The following PDGFD variants were observed in gnomAD, a reference collection of about 807,000 sequenced individuals.
PDGFD encodes the protein platelet-derived growth factor D.
PDGFD carries 30 observed loss-of-function variants against 44.7 expected under a neutral mutation model. The ratio of observed to expected loss-of-function variants is 0.67; its 90% CI spans 0.50 to 0.91. PDGFD has a LOEUF of 0.91. PDGFD is among the 40% of genes least tolerant of loss of function. PDGFD has a pLI of 0.00. For synonymous variants in PDGFD, 173 were observed against 168.4 expected (o/e 1.03, Z -0.21); for missense variants, 445 against 457.8 (o/e 0.97, Z 0.25).
At chr11:104,028,531 T>C (rs1216835836) in intron 1 of PDGFD, among the ~76,000 whole-genome samples, 1 of 151,498 alleles carries the variant, frequency 6.6e-6, no homozygotes, top group Non-Finnish European at 1.5e-5. Flanking sequence ...CAGAGCCCAA[T>C]TTTAATATCA....
chr11:103,932,895 T>C (rs1307179841), intron 5 of PDGFD, among the ~76,000 whole-genome samples: 1 of 152,170 alleles, frequency 6.6e-6, no homozygotes, highest in African/African-American at 2.4e-5. Flanking sequence ...AAGACTAGTC[T>C]AGGATGTGGT....
intron 1 of PDGFD, among the ~76,000 whole-genome samples, chr11:104,090,541 A>T (rs1353843617): frequency 6.6e-6 from 1 of 151,688 alleles, no homozygotes; most frequent in Non-Finnish European, 1.5e-5. Context: ...AGGCAGGAGA[A>T]TCACTTGTAC....
chr11:104,032,205 GAATAAATA>G (rs201214631), intron 1 of PDGFD, among the ~76,000 whole-genome samples: 1 of 151,684 alleles, frequency 6.6e-6, no homozygotes. Context: ...CAAAAATAAT[GAATAAATA>G]AATAAATAAA....
intron 1 of PDGFD, among the ~76,000 whole-genome samples, chr11:104,087,259 A>G (rs1345512578): frequency 1.4e-5 from 2 of 146,930 alleles, no homozygotes; most frequent in Non-Finnish European, 3.0e-5. Context: ...GCAGTGGTGC[A>G]ATCTCAGCTT....
At chr11:104,102,480 G>A (rs946213404) in intron 1 of PDGFD, among the ~76,000 whole-genome samples, 12 of 152,102 alleles carry the variant, frequency 7.9e-5, no homozygotes, top group Admixed American at 4.6e-4. Context: ...ACTGTTGGTG[G>A]GACTGTAAAC....
At chr11:103,947,299 TC>T (rs1359407427) in intron 4 of PDGFD, among the ~76,000 whole-genome samples, 1 of 152,228 alleles carries the variant, frequency 6.6e-6, no homozygotes, top group Non-Finnish European at 1.5e-5. Context: ...CCAGGAATAT[TC>T]GAAAGCTATT....
intron 1 of PDGFD, among the ~76,000 whole-genome samples, chr11:104,031,096 T>C (rs953002253): frequency 6.6e-6 from 1 of 152,130 alleles, no homozygotes; most frequent in African/African-American, 2.4e-5. Context: ...TATTTTATGA[T>C]GAAATCTCCA....
At chr11:104,163,673 C>T in intron 1 of PDGFD, 131 bp downstream of exon 1, 4 of 1,133,348 alleles carry the variant, frequency 3.5e-6, no homozygotes, top group Non-Finnish European at 4.8e-6. Context: ...AGGAGACCTC[C>T]CTCCCCAAAC....
intron 6 of PDGFD, among the ~76,000 whole-genome samples, chr11:103,916,771 G>A (rs910276914): frequency 2.0e-5 from 3 of 152,174 alleles, no homozygotes; most frequent in African/African-American, 7.2e-5. Flanking sequence ...AAAAGGATGA[G>A]TTCATGTCCT....
At chr11:103,909,892 C>G in intron 6 of PDGFD, 73 bp from the exon 7 acceptor site, 1 of 1,576,854 alleles carries the variant, frequency 6.3e-7, no homozygotes, top group Non-Finnish European at 8.7e-7. Flanking sequence ...CTACTTATTA[C>G]CTTTTTGACA....
At chr11:103,993,216 T>TG (rs1827618983) in intron 3 of PDGFD, among the ~76,000 whole-genome samples, 2 of 152,064 alleles carry the variant, frequency 1.3e-5, no homozygotes, top group Admixed American at 6.6e-5. Flanking sequence ...TACAGGCATG[T>TG]GCCATCATGC....
chr11:104,035,718 T>C lies in PDGFD; in HGVS notation c.125-35463A>G, dbSNP rs556366760. Among the ~76,000 whole-genome samples, 8 of 152,266 alleles carry C rather than the reference T, an allele frequency of 5.3e-5. No homozygotes were observed. In the South Asian group the frequency reaches 1.7e-3, roughly 32 times the overall value. ...TTCAAAGTCATGTACAATTTTTTTA[T>C]TGCACAAAATGTCTCATCTTTCTCT... On this transcript the variant is annotated intron_variant, in intron 1 of 6. Coordinates refer to ENST00000393158, the MANE Select transcript of PDGFD (RefSeq NM_025208.5).
rs1205550061 is a variant in PDGFD at position 104,164,036 on chromosome 11, T to A, written c.-109A>T. ...CTCGCCGCCTGCGCTCGCCCTGCGCTGGCCCGGGTCGCTGTGCTAATCGCC... is the reference window on the plus strand; with the variant it reads ...CTCGCCGCCTGCGCTCGCCCTGCGCAGGCCCGGGTCGCTGTGCTAATCGCC... On this transcript the variant is annotated 5_prime_UTR_variant, in exon 1 of 7. Transcript: ENST00000393158. 2.4e-6 allele frequency: 3 copies of A among 1,266,636 alleles called. No individual in the cohort carries two copies. The highest frequency in any genetic ancestry group is 5.2e-5 in the East Asian group (2 of 38,688). The allele number at this position is 1,266,636 out of a possible 1,614,324, so 78.5% of individuals were successfully genotyped here. A position where few individuals can be genotyped will look rare whatever the true frequency, so the allele number is the denominator to read the frequency against.
At chr11:103,934,796 T>C (rs557995954) in intron 5 of PDGFD, among the ~76,000 whole-genome samples, 1 of 152,194 alleles carries the variant, frequency 6.6e-6, no homozygotes, top group African/African-American at 2.4e-5. Context: ...TCCCTTGACA[T>C]GTGGGGATTA....
At chr11:104,124,113 T>A (rs1013607851) in intron 1 of PDGFD, among the ~76,000 whole-genome samples, 1 of 151,996 alleles carries the variant, frequency 6.6e-6, no homozygotes, top group South Asian at 2.1e-4. Flanking sequence ...ATCAATAACA[T>A]ACAGATGGTA....
In PDGFD at chr11:104,131,381, A is replaced by G. The variant is rs114017719; in HGVS notation, c.124+32423T>C. Among the ~76,000 whole-genome samples, 1,106 of 152,296 alleles carry G rather than the reference A, an allele frequency of 7.3e-3. 7 individuals are homozygous for G. Among genetic ancestry groups the G allele is most frequent in the African/African-American group, 0.024 (994 of 41,580 alleles). On this transcript the variant is annotated intron_variant, in intron 1 of 6. Coordinates refer to ENST00000393158, the MANE Select transcript of PDGFD (RefSeq NM_025208.5). ...CCTTGCCAGTGGTGAGAAAGACATC[A>G]TTAATTGTTACCAGCATCTGACTTC...
intron 1 of PDGFD, among the ~76,000 whole-genome samples, chr11:104,093,792 T>A (rs562260572): frequency 1.3e-5 from 2 of 151,048 alleles, no homozygotes; most frequent in East Asian, 3.9e-4. Context: ...CAAAGGCCAT[T>A]CCCTCGCATG....
chr11:104,003,597 G>A lies in PDGFD; in HGVS notation c.125-3342C>T, dbSNP rs111647891. The stretch of plus-strand genomic sequence containing the variant: ...AGCAGCATGCTAAGCCTAGAGCCTG[G>A]GCTCAGTGTGGTATTATTGATACTC... On this transcript the variant is annotated intron_variant, in intron 1 of 6. Coordinates refer to ENST00000393158, the MANE Select transcript of PDGFD (RefSeq NM_025208.5). Among the ~76,000 whole-genome samples the A allele has an allele frequency of 3.0e-3, 459 of 152,318 alleles. 4 individuals are homozygous for A. Among genetic ancestry groups the A allele is most frequent in the African/African-American group, 0.011 (444 of 41,564 alleles).
At chr11:104,146,592 C>T (rs1862165568) in intron 1 of PDGFD, among the ~76,000 whole-genome samples, 2 of 152,110 alleles carry the variant, frequency 1.3e-5, no homozygotes, top group African/African-American at 4.8e-5. Flanking sequence ...AGATAAAGAA[C>T]ATCAAGTTAT....
Sources: allele counts gnomAD v4.1 joint callset (sites outside exome capture counted in the v4.1 genomes callset), GRCh38; gene constraint gnomAD v4.1.1; transcripts MANE v1.5; gene names NCBI Gene and HGNC (gene_info 2026-07-23, HGNC 2026-07-21).